The following ETV4 variants were observed in gnomAD, a reference collection of about 807,000 sequenced individuals.
The protein encoded by ETV4 is ETS variant transcription factor 4, also known as ETS translocation variant 4.
Under a neutral mutation model 65.9 loss-of-function variants are expected in ETV4, and 42 were observed. That is an observed-to-expected ratio of 0.64 (90% CI 0.50 to 0.82). The LOEUF is 0.82. Ranked by LOEUF, ETV4 falls within the 40% of genes least tolerant of loss-of-function variation. The pLI is 0.00. For missense variants in ETV4, 583 were observed against 630.3 expected, an observed-to-expected ratio of 0.92 and a Z score of 0.80; for synonymous variants, 238 against 260.0, an observed-to-expected ratio of 0.92 and a Z score of 0.81.
At position 43,533,853 on chromosome 17, in the gene ETV4, G is replaced by T. The variant is rs770918510; in HGVS notation, c.383+6C>A. On this transcript the variant is annotated splice_donor_region_variant and intron_variant, in intron 6 of 12. Transcript: ENST00000319349. ...TACCCTTCACCAGGTCCAGGCTGGGGCTCACCTGGAGTAAAGGCACTGCTC... is the reference window on the plus strand; with the variant it reads ...TACCCTTCACCAGGTCCAGGCTGGGTCTCACCTGGAGTAAAGGCACTGCTC... 6.8e-6 allele frequency: 11 copies of T among 1,606,926 alleles called. No individual in the cohort carries two copies. Among genetic ancestry groups the T allele is most frequent in the Non-Finnish European group, 7.6e-6 (9 of 1,177,230 alleles).
At chr17:43,545,752 G>GTCCGACGGCGAAACTTC (rs1971791333) in intron 1 of ETV4, 84 bp from the exon 2 acceptor site, 2 of 723,284 alleles carry the variant, frequency 2.8e-6, no homozygotes, top group East Asian at 5.6e-5. Context: ...AAGGCTCTGG[G>GTCCGACGGCGAAACTTC]TCCGACGGCG....
chr17:43,538,307 AAAAT>A (rs553694623), intron 4 of ETV4, among the ~76,000 whole-genome samples: 9 of 152,286 alleles, frequency 5.9e-5, no homozygotes, highest in South Asian at 2.1e-4. Flanking sequence ...CTCCATCTCA[AAAAT>A]AAATAAATAA....
chr17:43,529,983 C>G (rs1460334970), intron 9 of ETV4, 31 bp from the exon 10 acceptor site: 2 of 1,613,992 alleles, frequency 1.2e-6, no homozygotes, highest in Non-Finnish European at 1.7e-6. Context: ...TTGCTCAGAT[C>G]TGGGGGTTCA....
intron 4 of ETV4, among the ~76,000 whole-genome samples, chr17:43,543,712 A>C: frequency 6.6e-6 from 1 of 152,198 alleles, no homozygotes; most frequent in East Asian, 1.9e-4. Flanking sequence ...CAGGACTTGC[A>C]GGGTCGGGGA....
chr17:43,534,550 T>G (rs1342861840), intron 5 of ETV4, among the ~76,000 whole-genome samples: 1 of 152,118 alleles, frequency 6.6e-6, no homozygotes, highest in Non-Finnish European at 1.5e-5. Flanking sequence ...GAAAACACTT[T>G]CAAGGAGTGA....
At position 43,529,674 on chromosome 17, in the gene ETV4, C is replaced by G; in HGVS notation, c.958G>C (p.Asp320His). 6.2e-7 allele frequency: 1 copy of G among 1,606,078 alleles called. No individual in the cohort carries two copies. Among genetic ancestry groups the G allele is most frequent in the Non-Finnish European group, 8.5e-7 (1 of 1,174,932 alleles). Residue 320 changes from aspartate to histidine, a missense_variant and splice_region_variant, in exon 11 of 13, where the codon GAC becomes CAC. By Grantham distance (81) the Asp-to-His change is moderately conservative. Coordinates refer to ENST00000319349, the MANE Select transcript of ETV4 (RefSeq NM_001079675.5). The stretch of plus-strand genomic sequence containing the variant: ...GCACCGACCCCTTCCTGCTTGATGT[C>G]TCCTGGGGAACACGAAAATAGGAGG... ...VCVVPEKFEG[D>H]IKQEGVGAFR...
In ETV4 at chr17:43,529,894, C is replaced by A; in HGVS notation, c.945G>T (p.Glu315Asp). The A allele has an allele frequency of 6.2e-7, 1 of 1,614,162 alleles. No individual in the cohort carries two copies. Among genetic ancestry groups the A allele is most frequent in the East Asian group, 2.2e-5 (1 of 44,866 alleles). The change falls in exon 10 of 13, where the codon GAG (glutamate) becomes GAT (aspartate). Residue 315 changes from glutamate to aspartate, a missense_variant. Transcript: ENST00000319349. Reference sequence around the variant, plus strand: ...AGTCACTTCTCTGACCTTCAAATTTCTCAGGGACAACGCAGACATCATCTG... The same window carrying A: ...AGTCACTTCTCTGACCTTCAAATTTATCAGGGACAACGCAGACATCATCTG... ...PFPDDVCVVPEKFEGDIKQEG... is the reference protein window; with the variant it reads ...PFPDDVCVVPDKFEGDIKQEG...
chr17:43,528,279 C>A lies in ETV4; in HGVS notation c.*240G>T. The A allele has an allele frequency of 2.3e-6, 1 of 438,916 alleles. No individual in the cohort carries two copies. The highest frequency in any genetic ancestry group is 4.0e-6 in the Non-Finnish European group (1 of 247,716). The allele number at this position is 438,916 out of a possible 1,614,324, so 27.2% of individuals were successfully genotyped here. A position where few individuals can be genotyped will look rare whatever the true frequency, so the allele number is the denominator to read the frequency against. Reference sequence around the variant, plus strand: ...AGGAAGAAGCTGAGCTGAATTCCTCCAGGGCCCAGGTGAAACCCCCAGGGG... The same window carrying A: ...AGGAAGAAGCTGAGCTGAATTCCTCAAGGGCCCAGGTGAAACCCCCAGGGG... On this transcript the variant is annotated 3_prime_UTR_variant, in exon 13 of 13. Transcript: ENST00000319349.
chr17:43,529,677 C>CT lies in ETV4; in HGVS notation c.956-2dup. 2 of 1,605,724 alleles carry CT rather than the reference C, an allele frequency of 1.2e-6. No individual in the cohort carries two copies. The highest frequency in any genetic ancestry group is 1.7e-6 in the Non-Finnish European group (2 of 1,174,732). ...CCGACCCCTTCCTGCTTGATGTCTC[C>CT]TGGGGAACACGAAAATAGGAGGTGT... On this transcript the variant is annotated splice_acceptor_variant, in intron 10 of 12. Coordinates refer to ENST00000319349, the MANE Select transcript of ETV4 (RefSeq NM_001079675.5). LOFTEE classifies it high-confidence loss of function.
chr17:43,545,425 G>A (rs986259314), intron 2 of ETV4, 58 bp from the exon 3 acceptor site: 12 of 1,476,618 alleles, frequency 8.1e-6, no homozygotes, highest in African/African-American at 2.8e-5. Flanking sequence ...TCTGGGGGAC[G>A]AGGTTGGGGT....
chr17:43,543,274 A>ACTCTCTCTCT (rs1250640458), intron 4 of ETV4, among the ~76,000 whole-genome samples: 25 of 41,520 alleles, frequency 6.0e-4, no homozygotes, highest in African/African-American at 4.2e-3. Flanking sequence ...TAACACACAC[A>ACTCTCTCTCT]CACTCTCTCT....
chr17:43,541,737 C>T (rs1200868519), intron 4 of ETV4, among the ~76,000 whole-genome samples: 9 of 152,126 alleles, frequency 5.9e-5, no homozygotes, highest in East Asian at 1.9e-4. Context: ...ATTGTGTCAC[C>T]GCTGTCCCTT....
intron 4 of ETV4, chr17:43,544,505 G>A (rs1489168267): frequency 6.3e-6 from 1 of 158,226 alleles, no homozygotes. Context: ...TTGGTGCTGG[G>A]GGTTGGGAAG....
Position 43,529,544 on chromosome 17 carries a change from G to A in ETV4, c.1088C>T (p.Thr363Met), listed in dbSNP as rs376288935. 57 of 1,613,874 alleles carry A rather than the reference G, an allele frequency of 3.5e-5. No individual in the cohort carries two copies. The highest frequency in any genetic ancestry group is 1.6e-4 in the African/African-American group (12 of 74,898). ...GAGCTTGAACTCCATTCCCCGGCCCGTCCAGGCAATGAAATGGGCATTTGT... is the reference window on the plus strand; with the variant it reads ...GAGCTTGAACTCCATTCCCCGGCCCATCCAGGCAATGAAATGGGCATTTGT... ...DPTNAHFIAWTGRGMEFKLIE... is the reference protein window; with the variant it reads ...DPTNAHFIAWMGRGMEFKLIE... The change falls in exon 11 of 13, where the codon ACG becomes ATG. Residue 363 changes from threonine (T) to methionine (M), a missense_variant. Transcript: ENST00000319349.
chr17:43,543,296 T>TCTCTCTCTCTCTCTCA (rs888736657), intron 4 of ETV4, among the ~76,000 whole-genome samples: 18,107 of 142,658 alleles, frequency 0.13, 1,262 homozygotes, highest in Non-Finnish European at 0.16. Context: ...TCTCTCTCTC[T>TCTCTCTCTCTCTCTCA]CACACACACA....
intron 12 of ETV4, 94 bp downstream of exon 12, chr17:43,529,041 A>G: frequency 2.6e-6 from 3 of 1,159,434 alleles, no homozygotes; most frequent in Non-Finnish European, 3.9e-6. Flanking sequence ...TGATCCTACA[A>G]AGTTGCTGAG....
intron 4 of ETV4, among the ~76,000 whole-genome samples, chr17:43,536,797 ACAAG>A (rs1971266693): frequency 6.6e-6 from 1 of 152,264 alleles, no homozygotes; most frequent in Non-Finnish European, 1.5e-5. Context: ...CACGGGTTGG[ACAAG>A]CTTGCTTGAG....
chr17:43,534,983 T>G (rs528297954), intron 5 of ETV4, among the ~76,000 whole-genome samples: 7 of 152,140 alleles, frequency 4.6e-5, no homozygotes, highest in Non-Finnish European at 1.0e-4. Flanking sequence ...CTGGTTGAGG[T>G]TGGATATTGG....
In ETV4 at chr17:43,530,487, G is replaced by T. The variant is rs886703075; in HGVS notation, c.812-306C>A. 14 of 1,272,606 alleles carry T rather than the reference G, an allele frequency of 1.1e-5. No homozygotes were observed. In the African/African-American group the frequency reaches 1.8e-4, roughly 16 times the overall value. 78.8% of individuals were successfully genotyped at this position (1,272,606 alleles called of 1,614,324 possible). ...GAGCAGCTGTTTCCTGCGAGTTCAG[G>T]GGGAGGAGGGAGGGTGAGATGAACG... On this transcript the variant is annotated intron_variant, in intron 8 of 12. Transcript: ENST00000319349.
Sources: gnomAD v4.1 joint callset for allele counts (sites outside exome capture counted in the v4.1 genomes callset) on GRCh38, gnomAD v4.1.1 for gene constraint, MANE v1.5 for transcripts, NCBI Gene and HGNC (gene_info 2026-07-23, HGNC 2026-07-21) for gene names.